CDH13: variants seen among roughly 807,000 people sequenced by gnomAD.
CDH13 encodes the protein cadherin 13.
In CDH13, 24 loss-of-function variants were observed where a neutral mutation model predicts 63.8. That is an observed-to-expected ratio of 0.38 (90% CI 0.27 to 0.53). The LOEUF (loss-of-function observed/expected upper bound fraction) is 0.53. Among genes scored for constraint, CDH13 ranks in the 20% least tolerant of loss-of-function variants. The pLI, the probability that CDH13 is intolerant of heterozygous loss-of-function variation, is 0.85. For synonymous variants in CDH13, 503 were observed against 355.3 expected, an observed-to-expected ratio of 1.42 and a Z score of -4.67; for missense variants, 1,049 against 903.1, an observed-to-expected ratio of 1.16 and a Z score of -2.07.
At position 83,795,144 on chromosome 16, in the gene CDH13, T is replaced by C. The variant is rs1372884087; in HGVS notation, c.*114T>C. On this transcript the variant is annotated 3_prime_UTR_variant, in exon 14 of 14. Transcript: ENST00000567109. Reference sequence around the variant, plus strand: ...AGCTATCGAACTTCACAACTAGGCCTCAATTGTTCCGGTTTTTTATTTTCT... The same window carrying C: ...AGCTATCGAACTTCACAACTAGGCCCCAATTGTTCCGGTTTTTTATTTTCT... 9.8e-6 allele frequency: 8 copies of C among 819,758 alleles called. No homozygotes were observed. The highest frequency in any genetic ancestry group is 1.3e-5 in the Non-Finnish European group (7 of 518,644). The allele number at this position is 819,758 out of a possible 1,614,324, so 50.8% of individuals were successfully genotyped here. A position where few individuals can be genotyped will look rare whatever the true frequency, so the allele number is the denominator to read the frequency against.
chr16:83,414,580 T>A (rs1427725657), intron 6 of CDH13, among the ~76,000 whole-genome samples: 3 of 151,690 alleles, frequency 2.0e-5, no homozygotes, highest in Non-Finnish European at 4.4e-5. Flanking sequence ...AAGTTTTCCC[T>A]CCCCCTAGAC....
intron 3 of CDH13, among the ~76,000 whole-genome samples, chr16:83,096,786 G>A (rs1283031889): frequency 1.3e-5 from 2 of 152,182 alleles, no homozygotes; most frequent in African/African-American, 4.8e-5. Flanking sequence ...AACCGCAAGA[G>A]TAGATTGAAT....
chr16:83,527,466 A>G (rs183581703), intron 7 of CDH13, among the ~76,000 whole-genome samples: 14 of 152,288 alleles, frequency 9.2e-5, no homozygotes, highest in Admixed American at 3.3e-4. Flanking sequence ...AAAAAATTAA[A>G]AATTAAGAAT....
intron 2 of CDH13, among the ~76,000 whole-genome samples, chr16:83,028,378 G>T (rs185212171): frequency 6.6e-6 from 1 of 152,200 alleles, no homozygotes; most frequent in African/African-American, 2.4e-5. Flanking sequence ...GTGTGTCCAT[G>T]CAAAGATGGC....
At chr16:82,751,639 C>T (rs1215371611) in intron 1 of CDH13, among the ~76,000 whole-genome samples, 1 of 148,718 alleles carries the variant, frequency 6.7e-6, no homozygotes, top group African/African-American at 2.5e-5. Context: ...CCTGAGAGAG[C>T]ACAATATTAA....
chr16:82,682,819 C>T (rs1196606025), intron 1 of CDH13, among the ~76,000 whole-genome samples: 2 of 152,170 alleles, frequency 1.3e-5, no homozygotes, highest in Non-Finnish European at 2.9e-5. Context: ...TTGTAATTTT[C>T]CGAAGTCTGT....
intron 1 of CDH13, among the ~76,000 whole-genome samples, chr16:82,778,466 G>GT (rs1229337073): frequency 1.4e-5 from 2 of 147,898 alleles, no homozygotes; most frequent in East Asian, 4.0e-4. Context: ...GACCTTTGAA[G>GT]TAGTCTCCCT....
chr16:82,702,536 G>T (rs2031126520), intron 1 of CDH13, among the ~76,000 whole-genome samples: 2 of 152,038 alleles, frequency 1.3e-5, no homozygotes, highest in African/African-American at 2.4e-5. Flanking sequence ...GTTAATGGAG[G>T]TTTTCTGATT....
chr16:82,814,646 CTT>C (rs937305232), intron 1 of CDH13, among the ~76,000 whole-genome samples: 5 of 152,182 alleles, frequency 3.3e-5, no homozygotes, highest in African/African-American at 7.2e-5. Context: ...CATCTATACT[CTT>C]TGTAATATTC....
intron 3 of CDH13, among the ~76,000 whole-genome samples, chr16:83,045,418 C>A (rs1259363412): frequency 6.6e-6 from 1 of 152,056 alleles, no homozygotes; most frequent in South Asian, 2.1e-4. Context: ...GCAGGTGGAT[C>A]ACGATATCAG....
chr16:82,684,423 A>G (rs1914858556), intron 1 of CDH13, among the ~76,000 whole-genome samples: 1 of 152,144 alleles, frequency 6.6e-6, no homozygotes, highest in African/African-American at 2.4e-5. Context: ...GAGGATGCCT[A>G]GATGTCTGCG....
intron 7 of CDH13, among the ~76,000 whole-genome samples, chr16:83,561,355 G>C (rs1164186707): frequency 6.6e-6 from 1 of 151,216 alleles, no homozygotes; most frequent in African/African-American, 2.4e-5. Flanking sequence ...GAACCTGAGA[G>C]GCGGAGGTTG....
At chr16:83,276,517 A>G (rs928654232) in intron 5 of CDH13, among the ~76,000 whole-genome samples, 2 of 152,196 alleles carry the variant, frequency 1.3e-5, no homozygotes, top group East Asian at 3.9e-4. Context: ...AAGAGGTTTA[A>G]TAGTCTTACA....
intron 7 of CDH13, among the ~76,000 whole-genome samples, chr16:83,587,554 C>T (rs764236665): frequency 6.6e-6 from 1 of 152,088 alleles, no homozygotes. Flanking sequence ...CCTTCTGCTG[C>T]GTGATTAGAA....
chr16:82,845,964 C>T (rs1319640722), intron 1 of CDH13, among the ~76,000 whole-genome samples: 1 of 152,180 alleles, frequency 6.6e-6, no homozygotes, highest in African/African-American at 2.4e-5. Context: ...GAGTTAATTC[C>T]ATTTAGACAA....
At chr16:82,744,943 T>TGTCTC (rs2151059900) in intron 1 of CDH13, among the ~76,000 whole-genome samples, 1 of 152,224 alleles carries the variant, frequency 6.6e-6, no homozygotes, top group East Asian at 1.9e-4. Context: ...ACAACACACA[T>TGTCTC]AAATAGCCAT....
intron 6 of CDH13, among the ~76,000 whole-genome samples, chr16:83,432,090 T>C (rs544433515): frequency 1.8e-4 from 28 of 152,254 alleles, no homozygotes; most frequent in Middle Eastern, 6.8e-3. Flanking sequence ...GGGGATAGTG[T>C]CTTGGACTTC....
intron 2 of CDH13, among the ~76,000 whole-genome samples, chr16:83,000,285 G>C (rs1265884178): frequency 1.7e-5 from 1 of 59,800 alleles, no homozygotes; most frequent in Non-Finnish European, 3.1e-5. Context: ...TTTTCCTCTT[G>C]TTGCCCAGAC....
At chr16:82,857,651 T>C (rs985558206) in intron 1 of CDH13, among the ~76,000 whole-genome samples, 1 of 152,228 alleles carries the variant, frequency 6.6e-6, no homozygotes, top group Non-Finnish European at 1.5e-5. Context: ...TTAAGTTTTA[T>C]AGTAGCCAAG....
Sources: gnomAD v4.1 joint callset for allele counts (sites outside exome capture counted in the v4.1 genomes callset) on GRCh38, gnomAD v4.1.1 for gene constraint, MANE v1.5 for transcripts, NCBI Gene and HGNC (gene_info 2026-07-23, HGNC 2026-07-21) for gene names.